PLK2: variants seen among roughly 807,000 people sequenced by gnomAD.
PLK2 encodes the protein polo like kinase 2, also known as serine/threonine-protein kinase PLK2.
A neutral mutation model predicts 78.1 loss-of-function variants in PLK2; 25 were observed. That is an observed-to-expected ratio of 0.32 (90% CI 0.23 to 0.45). PLK2 has a LOEUF of 0.45. Among genes scored for constraint, PLK2 ranks in the 20% least tolerant of loss-of-function variants. The probability of loss-of-function intolerance (pLI) is 1.00; values close to 1 mark genes in which losing one functional copy is unlikely to be tolerated. For missense variants in PLK2, 566 were observed against 840.2 expected (o/e 0.67, Z 4.04); for synonymous variants, 332 against 298.2 (o/e 1.11, Z -1.17).
rs971373976 is a variant in PLK2 at position 58,455,793 on chromosome 5, C to G, written c.1385-14G>C. The stretch of plus-strand genomic sequence containing the variant: ...TGTCTTCAAGGCCTGAAAAGTCAGA[C>G]AGAAATGTTTCAAGTTATACAATAT... On this transcript the variant is annotated splice_polypyrimidine_tract_variant and intron_variant, in intron 10 of 13. Transcript: ENST00000274289. 43 of 1,611,136 alleles carry G rather than the reference C, an allele frequency of 2.7e-5. No homozygotes were observed. Among genetic ancestry groups the G allele is most frequent in the Non-Finnish European group, 3.6e-5 (43 of 1,179,832 alleles).
At position 58,458,871 on chromosome 5, in the gene PLK2, A is replaced by G. The variant is rs186351846; in HGVS notation, c.379-30T>C. The G allele has an allele frequency of 1.0e-3, 1,453 of 1,420,332 alleles. 8 individuals carry two copies. Among genetic ancestry groups the G allele is most frequent in the Non-Finnish European group, 5.6e-4 (562 of 1,004,516 alleles). 88.0% of individuals were successfully genotyped at this position (1,420,332 alleles called of 1,614,324 possible). Reference sequence around the variant, plus strand: ...ATGAAAAAGCAAGGTAAGGCTTATTAGCTTCCAGTCACCTCGGAAAAGCCA... The same window carrying G: ...ATGAAAAAGCAAGGTAAGGCTTATTGGCTTCCAGTCACCTCGGAAAAGCCA... On this transcript the variant is annotated intron_variant, in intron 2 of 13. Transcript: ENST00000274289.
chr5:58,458,567 C>G, intron 3 of PLK2, 39 bp from the exon 4 acceptor site: 5 of 1,580,896 alleles, frequency 3.2e-6, no homozygotes, highest in Non-Finnish European at 4.3e-6. Flanking sequence ...TCTGTCAAAA[C>G]AGTTATCAAA....
rs529899755 is a variant in PLK2, at chr5:58,456,042, A to G, written c.1368T>C (p.Cys456=). The change falls in exon 10 of 14, where the codon TGT becomes TGC. Residue 456 remains cysteine, a synonymous_variant. Transcript: ENST00000274289. The part of the protein sequence containing the change: ...RMIVRGTLGS[C]SSSSECLEDS... ...ACCACTTACATTCACTGCTGCTGCT[A>G]CAGCTGCCAAGAGTCCCTCTGACTA... 1.2e-5 allele frequency: 19 copies of G among 1,612,314 alleles called. No individual in the cohort carries two copies. The African/African-American group carries it at 1.6e-4, about 14-fold the overall frequency.
At position 58,459,668 on chromosome 5, in the gene PLK2, C is replaced by G. The variant is rs758849986; in HGVS notation, c.270+22G>C. On this transcript the variant is annotated intron_variant, in intron 1 of 13. Coordinates refer to ENST00000274289, the MANE Select transcript of PLK2 (RefSeq NM_006622.4). ...GACAGACCTCCCGCCCGCCCGGCAG[C>G]CCGGCGCCCTCCGCTTGTCACCTTT... 2.6e-6 allele frequency: 4 copies of G among 1,534,622 alleles called. No homozygotes were observed. The Admixed American group carries it at 5.4e-5, about 21-fold the overall frequency.
Position 58,458,066 on chromosome 5 carries a change from C to T in PLK2, c.713+18G>A, listed in dbSNP as rs1240029142. 3 of 1,521,742 alleles carry T rather than the reference C, an allele frequency of 2.0e-6. No individual in the cohort carries two copies. The highest frequency in any genetic ancestry group is 4.5e-5 in the East Asian group (2 of 44,474). The allele number at this position is 1,521,742 out of a possible 1,614,324, so 94.3% of individuals were successfully genotyped here. A position where few individuals can be genotyped will look rare whatever the true frequency, so the allele number is the denominator to read the frequency against. On this transcript the variant is annotated intron_variant, in intron 5 of 13. Coordinates refer to ENST00000274289, the MANE Select transcript of PLK2 (RefSeq NM_006622.4). ...GTCTCCACAAAAGTCTACTAGGATGCATCTTTCTGACTCTTACCTCCTTCT... is the reference window on the plus strand; with the variant it reads ...GTCTCCACAAAAGTCTACTAGGATGTATCTTTCTGACTCTTACCTCCTTCT...
At position 58,457,192 on chromosome 5, in the gene PLK2, A is replaced by AT. The variant is rs1470189683; in HGVS notation, c.996_997insA (p.Phe333IlefsTer14). On this transcript the variant is annotated frameshift_variant, in exon 7 of 14. Coordinates refer to ENST00000274289, the MANE Select transcript of PLK2 (RefSeq NM_006622.4). LOFTEE classifies it high-confidence loss of function. The stretch of plus-strand genomic sequence containing the variant: ...GATAGTGCACCAACCTGCAAAAAAA[A>AT]GTCATGTCGAATGATGTCATCCAAA... 6.2e-7 allele frequency: 1 copy of AT among 1,613,990 alleles called. No homozygotes were observed. Among genetic ancestry groups the AT allele is most frequent in the African/African-American group, 1.3e-5 (1 of 74,920 alleles).
At position 58,458,580 on chromosome 5, in the gene PLK2, C is replaced by T. The variant is rs772787392; in HGVS notation, c.496-52G>A. The T allele has an allele frequency of 2.5e-5, 38 of 1,545,410 alleles. No individual in the cohort carries two copies. In the East Asian group the frequency reaches 8.3e-4, roughly 34 times the overall value. ...AATCTGTCAAAACAGTTATCAAAAT[C>T]ACTGGTTTCCCTTTGCAGGATGAGC... is the stretch of plus-strand genomic sequence containing the variant. On this transcript the variant is annotated intron_variant, in intron 3 of 13. Coordinates refer to ENST00000274289, the MANE Select transcript of PLK2 (RefSeq NM_006622.4).
rs1318997213 is a variant in PLK2, at chr5:58,459,894, C to G, written c.66G>C (p.Leu22=). 27 of 1,612,174 alleles carry G rather than the reference C, an allele frequency of 1.7e-5. No individual in the cohort carries two copies. The highest frequency in any genetic ancestry group is 1.7e-4 in the Middle Eastern group (1 of 5,842). Residue 22 remains leucine (L), a synonymous_variant, in exon 1 of 14, where the codon CTG becomes CTC. Transcript: ENST00000274289. ...TCGAGTCCGCTCCGCAACCCTTGCC[C>G]AGCGCCTGCTCGCACATTTTGGTGC... The part of the protein sequence containing the change: ...AASTKMCEQA[L]GKGCGADSKK...
Position 58,454,473 on chromosome 5 carries a change from G to C in PLK2, c.*110C>G. 1.3e-6 allele frequency: 1 copy of C among 776,922 alleles called. No homozygotes were observed. The highest frequency in any genetic ancestry group is 2.1e-6 in the Non-Finnish European group (1 of 472,932). The allele number at this position is 776,922 out of a possible 1,614,324, so 48.1% of individuals were successfully genotyped here. A position where few individuals can be genotyped will look rare whatever the true frequency, so the allele number is the denominator to read the frequency against. ...AGCAGGCCACAGGGGAATTGTTTTCGTACCACCACATGTCCATCTTCTTCA... is the reference window on the plus strand; with the variant it reads ...AGCAGGCCACAGGGGAATTGTTTTCCTACCACCACATGTCCATCTTCTTCA... On this transcript the variant is annotated 3_prime_UTR_variant, in exon 14 of 14. Transcript: ENST00000274289.
chr5:58,454,219 G>A lies in PLK2; in HGVS notation c.*364C>T, dbSNP rs1009057831. 1.1e-5 allele frequency: 2 copies of A among 174,310 alleles called. No individual in the cohort carries two copies. Among genetic ancestry groups the A allele is most frequent in the African/African-American group, 4.7e-5 (2 of 42,314 alleles). The allele number at this position is 174,310 out of a possible 1,614,324, so 10.8% of individuals were successfully genotyped here. On this transcript the variant is annotated 3_prime_UTR_variant, in exon 14 of 14. Coordinates refer to ENST00000274289, the MANE Select transcript of PLK2 (RefSeq NM_006622.4). ...CAATTACAGCCTTTAAACAACATGG[G>A]AGCTTCCTCCCTTCTCCCTCCCCTT...
At position 58,454,374 on chromosome 5, in the gene PLK2, G is replaced by A. The variant is rs919845820; in HGVS notation, c.*209C>T. The A allele has an allele frequency of 4.7e-6, 2 of 428,954 alleles. No individual in the cohort carries two copies. The highest frequency in any genetic ancestry group is 7.7e-5 in the Admixed American group (2 of 26,116). 26.6% of individuals were successfully genotyped at this position (428,954 alleles called of 1,614,324 possible). On this transcript the variant is annotated 3_prime_UTR_variant, in exon 14 of 14. Coordinates refer to ENST00000274289, the MANE Select transcript of PLK2 (RefSeq NM_006622.4). ...TAAAACAGGTATCTCAAGGAAAACT[G>A]CATTCTGGTTCACTCTTGGATTGTC...
Position 58,459,672 on chromosome 5 carries a change from G to A in PLK2, c.270+18C>T. ...GACCTCCCGCCCGCCCGGCAGCCCG[G>A]CGCCCTCCGCTTGTCACCTTTCCCA... On this transcript the variant is annotated intron_variant, in intron 1 of 13. Coordinates refer to ENST00000274289, the MANE Select transcript of PLK2 (RefSeq NM_006622.4). 6.5e-7 allele frequency: 1 copy of A among 1,537,444 alleles called. No homozygotes were observed. The highest frequency in any genetic ancestry group is 1.4e-5 in the African/African-American group (1 of 73,306).
rs1452892365 is a variant in PLK2, at chr5:58,456,924, A to G, written c.1156+21T>C. The G allele has an allele frequency of 3.3e-6, 5 of 1,513,856 alleles. No homozygotes were observed. The African/African-American group carries it at 7.0e-5, about 21-fold the overall frequency. The allele number at this position is 1,513,856 out of a possible 1,614,324, so 93.8% of individuals were successfully genotyped here. A position where few individuals can be genotyped will look rare whatever the true frequency, so the allele number is the denominator to read the frequency against. On this transcript the variant is annotated intron_variant, in intron 8 of 13. Transcript: ENST00000274289. ...ATATAATATTGGGTACGAAAAAGGA[A>G]AAGAAGTCTTGTTAACTTACTATGT...
At position 58,456,148 on chromosome 5, in the gene PLK2, T is replaced by A. The variant is rs950843545; in HGVS notation, c.1262A>T (p.Gln421Leu). ...PSKHRTDEEL[Q>L]PPTTTVARSG... ...CCTGGCAACTGTGGTGGTAGGTGGCTGGAGCTCCTTAGAAGAGAGAAGATT... is the reference window on the plus strand; with the variant it reads ...CCTGGCAACTGTGGTGGTAGGTGGCAGGAGCTCCTTAGAAGAGAGAAGATT... Residue 421 changes from glutamine to leucine, a missense_variant, in exon 10 of 14, where the codon CAG (glutamine) becomes CTG (leucine). Coordinates refer to ENST00000274289, the MANE Select transcript of PLK2 (RefSeq NM_006622.4). 4.3e-6 allele frequency: 7 copies of A among 1,612,908 alleles called. No homozygotes were observed. Among genetic ancestry groups the A allele is most frequent in the Non-Finnish European group, 5.9e-6 (7 of 1,179,702 alleles).
chr5:58,456,536 T>G lies in PLK2; in HGVS notation c.1210A>C (p.Lys404Gln). The G allele has an allele frequency of 6.2e-7, 1 of 1,613,000 alleles. No homozygotes were observed. The highest frequency in any genetic ancestry group is 1.3e-5 in the African/African-American group (1 of 75,028). ...DIYKLRHDLKKTSITQQPSKH... is the reference protein window; with the variant it reads ...DIYKLRHDLKQTSITQQPSKH... Reference sequence around the variant, plus strand: ...CTGGGTTGCTGAGTTATTGAAGTCTTTTTCAAATCATGCCTAAGCTTGTAG... The same window carrying G: ...CTGGGTTGCTGAGTTATTGAAGTCTGTTTCAAATCATGCCTAAGCTTGTAG... Residue 404 changes from lysine (K) to glutamine (Q), a missense_variant, in exon 9 of 14, where the codon AAG (lysine) becomes CAG (glutamine). By Grantham distance (53) the Lys-to-Gln change is moderately conservative. Transcript: ENST00000274289.
At position 58,455,763 on chromosome 5, in the gene PLK2, G is replaced by C; in HGVS notation, c.1401C>G (p.Thr467=). Reference sequence around the variant, plus strand: ...CCACTGTGTCTGCAACACTTCCCATGGTACTGTCTTCAAGGCCTGAAAAGT... The same window carrying C: ...CCACTGTGTCTGCAACACTTCCCATCGTACTGTCTTCAAGGCCTGAAAAGT... ...SSSSECLEDS[T]MGSVADTVAR... is the part of the protein sequence containing the mutation. Residue 467 remains threonine (T), a synonymous_variant, in exon 11 of 14, where the codon ACC becomes ACG. Transcript: ENST00000274289. 1.2e-6 allele frequency: 2 copies of C among 1,613,436 alleles called. No individual in the cohort carries two copies. Among genetic ancestry groups the C allele is most frequent in the Non-Finnish European group, 1.7e-6 (2 of 1,179,978 alleles).
rs776466196 is a variant in PLK2 at position 58,459,072 on chromosome 5, G to A, written c.291C>T (p.Tyr97=). The A allele has an allele frequency of 9.9e-6, 16 of 1,610,244 alleles. No homozygotes were observed. The highest frequency in any genetic ancestry group is 5.0e-5 in the Admixed American group (3 of 59,976). ...VLGKGGFAKC[Y]EMTDLTNNKV... is the part of the protein sequence containing the mutation. Reference sequence around the variant, plus strand: ...TGTTATTTGTCAAATCTGTCATCTCGTAACATTTTGCAAAGCCACCCTGAA... The same window carrying A: ...TGTTATTTGTCAAATCTGTCATCTCATAACATTTTGCAAAGCCACCCTGAA... Residue 97 remains tyrosine, a synonymous_variant, in exon 2 of 14, where the codon TAC becomes TAT. Coordinates refer to ENST00000274289, the MANE Select transcript of PLK2 (RefSeq NM_006622.4).
Position 58,454,567 on chromosome 5 carries a change from C to G in PLK2, c.*16G>C. ...GTGGAAAAGAGGAGTCCCATAGGGTCCATTCGAAAAGTCTTTCAGTTACAT... is the reference window on the plus strand; with the variant it reads ...GTGGAAAAGAGGAGTCCCATAGGGTGCATTCGAAAAGTCTTTCAGTTACAT... On this transcript the variant is annotated 3_prime_UTR_variant, in exon 14 of 14. Coordinates refer to ENST00000274289, the MANE Select transcript of PLK2 (RefSeq NM_006622.4). 1 of 1,571,520 alleles carries G rather than the reference C, an allele frequency of 6.4e-7. No individual in the cohort carries two copies. Among genetic ancestry groups the G allele is most frequent in the Non-Finnish European group, 8.7e-7 (1 of 1,147,330 alleles).
At chr5:58,457,147 C>T (rs1439937257) in intron 7 of PLK2, 34 bp downstream of exon 7, 54 of 1,610,154 alleles carry the variant, frequency 3.4e-5, no homozygotes, top group Non-Finnish European at 4.5e-5. Flanking sequence ...GGGATCAATA[C>T]CAGGTAATTA....
Sources: gnomAD v4.1 joint callset for allele counts on GRCh38, gnomAD v4.1.1 for gene constraint, MANE v1.5 for transcripts, NCBI Gene and HGNC (gene_info 2026-07-23, HGNC 2026-07-21) for gene names.